MSI2: variants seen among roughly 807,000 people sequenced by gnomAD.
MSI2 encodes RNA-binding protein Musashi homolog 2.
In MSI2, 17 loss-of-function variants were observed where a neutral mutation model predicts 45.6. The observed-to-expected ratio is 0.37, with a 90% CI of 0.26 to 0.56. The LOEUF (loss-of-function observed/expected upper bound fraction) is 0.56, where lower values mean the gene tolerates loss of function less well. Ranked by LOEUF, MSI2 falls within the 20% of genes least tolerant of loss-of-function variation. MSI2 has a pLI of 0.77. For synonymous variants in MSI2, 156 were observed against 158.2 expected (o/e 0.99, Z 0.11); for missense variants, 293 against 444.2 (o/e 0.66, Z 3.06).
chr17:57,557,219 T>A (rs886656154), intron 7 of MSI2, among the ~76,000 whole-genome samples: 1 of 152,214 alleles, frequency 6.6e-6, no homozygotes, highest in Non-Finnish European at 1.5e-5. Context: ...TGCATGAGAA[T>A]TCCTCAGTCA....
intron 10 of MSI2, among the ~76,000 whole-genome samples, chr17:57,651,677 G>A (rs1598493335): frequency 6.6e-6 from 1 of 152,324 alleles, no homozygotes; most frequent in East Asian, 1.9e-4. Flanking sequence ...CCTGCCTGTG[G>A]CACGGGGCTG....
At chr17:57,466,938 G>A (rs1191629841) in intron 6 of MSI2, among the ~76,000 whole-genome samples, 1 of 152,188 alleles carries the variant, frequency 6.6e-6, no homozygotes, top group Non-Finnish European at 1.5e-5. Context: ...TGAGAGAGTG[G>A]AGGGAATCTT....
At chr17:57,450,320 A>AGAG (rs2084990245) in intron 6 of MSI2, 3 of 142,468 alleles carry the variant, frequency 2.1e-5, no homozygotes, top group African/African-American at 7.6e-5. Context: ...AGAAAGAAAG[A>AGAG]AAACCTTTGT....
chr17:57,344,404 C>T (rs752760313), intron 5 of MSI2, among the ~76,000 whole-genome samples: 1 of 152,198 alleles, frequency 6.6e-6, no homozygotes, highest in Admixed American at 6.5e-5. Context: ...CATGATCCTG[C>T]GCCGGAGTTT....
chr17:57,581,655 A>G (rs1168643249), intron 7 of MSI2, among the ~76,000 whole-genome samples: 2 of 152,048 alleles, frequency 1.3e-5, no homozygotes, highest in African/African-American at 2.4e-5. Flanking sequence ...CTGAGGGTGA[A>G]CCCCGAAGAA....
At chr17:57,541,765 T>C (rs540868001) in intron 7 of MSI2, among the ~76,000 whole-genome samples, 1 of 152,288 alleles carries the variant, frequency 6.6e-6, no homozygotes, top group Admixed American at 6.5e-5. Flanking sequence ...TGTATAAAAA[T>C]CACTGCCATG....
chr17:57,335,707 G>T (rs1914644779), intron 5 of MSI2, among the ~76,000 whole-genome samples: 1 of 152,212 alleles, frequency 6.6e-6, no homozygotes, highest in South Asian at 2.1e-4. Context: ...AACAGTAAAG[G>T]CATGGAGACT....
At chr17:57,642,955 T>C (rs1467272088) in intron 10 of MSI2, among the ~76,000 whole-genome samples, 1 of 152,182 alleles carries the variant, frequency 6.6e-6, no homozygotes, top group Admixed American at 6.5e-5. Context: ...AGCTTTCTGC[T>C]TCCTGCCCCC....
intron 7 of MSI2, among the ~76,000 whole-genome samples, chr17:57,570,688 C>A (rs2144306646): frequency 6.6e-6 from 1 of 152,290 alleles, no homozygotes; most frequent in East Asian, 1.9e-4. Context: ...AGCCAACAAC[C>A]AAAAACAACC....
chr17:57,492,617 G>GTT (rs5821187), intron 6 of MSI2, among the ~76,000 whole-genome samples: 407 of 150,956 alleles, frequency 2.7e-3, no homozygotes, highest in African/African-American at 6.9e-3. Flanking sequence ...GTTTTGTTTT[G>GTT]TTTTTTTTTG....
intron 5 of MSI2, among the ~76,000 whole-genome samples, chr17:57,322,683 A>G (rs1392238761): frequency 2.0e-5 from 3 of 152,162 alleles, no homozygotes; most frequent in African/African-American, 7.2e-5. Flanking sequence ...CGTGCCGCCC[A>G]CAAGGTCTTG....
chr17:57,401,732 G>A (rs549040381), intron 6 of MSI2, among the ~76,000 whole-genome samples: 29 of 152,286 alleles, frequency 1.9e-4, no homozygotes, highest in African/African-American at 2.9e-4. Context: ...CTGGCCACAC[G>A]GGGCCTGGGC....
intron 6 of MSI2, among the ~76,000 whole-genome samples, chr17:57,440,340 T>C (rs2084774322): frequency 6.6e-6 from 1 of 151,920 alleles, no homozygotes; most frequent in African/African-American, 2.4e-5. Flanking sequence ...GATACCCTTT[T>C]GGACCCCGTA....
At chr17:57,465,573 G>A (rs1291263347) in intron 6 of MSI2, among the ~76,000 whole-genome samples, 1 of 152,148 alleles carries the variant, frequency 6.6e-6, no homozygotes, top group Non-Finnish European at 1.5e-5. Context: ...AAAGGAGCCC[G>A]TTGTATGCCA....
chr17:57,617,818 C>T (rs952339492), intron 9 of MSI2, among the ~76,000 whole-genome samples: 1 of 152,118 alleles, frequency 6.6e-6, no homozygotes, highest in Non-Finnish European at 1.5e-5. Context: ...TGCCTGTAAT[C>T]CCAGCAATTT....
chr17:57,562,380 C>T (rs1043975749), intron 7 of MSI2, among the ~76,000 whole-genome samples: 1 of 152,250 alleles, frequency 6.6e-6, no homozygotes, highest in African/African-American at 2.4e-5. Context: ...CTTCTCTTAG[C>T]AAAGGCATTG....
chr17:57,530,479 A>G (rs896936713), intron 7 of MSI2, among the ~76,000 whole-genome samples: 4 of 152,202 alleles, frequency 2.6e-5, no homozygotes, highest in African/African-American at 9.6e-5. Context: ...GGCATCTAGA[A>G]AAGTCCTCCC....
intron 6 of MSI2, among the ~76,000 whole-genome samples, chr17:57,503,293 A>G (rs777406967): frequency 1.3e-5 from 2 of 152,342 alleles, no homozygotes; most frequent in Non-Finnish European, 2.9e-5. Context: ...TACTTTAATA[A>G]GTGTTCTTTA....
intron 6 of MSI2, among the ~76,000 whole-genome samples, chr17:57,512,641 C>T (rs1110491): frequency 0.22 from 32,787 of 152,098 alleles, 5,435 homozygotes; most frequent in African/African-American, 0.46. Context: ...CCTGTCTGTC[C>T]CTCTCTGTTG....
Sources: gnomAD v4.1 joint callset for allele counts (sites outside exome capture counted in the v4.1 genomes callset) on GRCh38, gnomAD v4.1.1 for gene constraint, MANE v1.5 for transcripts, NCBI Gene and HGNC (gene_info 2026-07-23, HGNC 2026-07-21) for gene names.